Variants in AFAP1L1 observed in about 807,000 individuals in gnomAD.
AFAP1L1 encodes actin filament associated protein 1 like 1.
Under a neutral mutation model 99.8 loss-of-function variants are expected in AFAP1L1, and 77 were observed. That is an observed-to-expected ratio of 0.77 (90% CI 0.64 to 0.93). The LOEUF is 0.93. Ranked by LOEUF, AFAP1L1 falls within the 40% of genes least tolerant of loss-of-function variation. AFAP1L1 has a pLI of 0.00. For synonymous variants in AFAP1L1, 373 were observed against 395.3 expected (o/e 0.94, Z 0.67); for missense variants, 893 against 996.8 (o/e 0.90, Z 1.40).
At chr5:149,326,537 G>A (rs1418471485) in intron 15 of AFAP1L1, among the ~76,000 whole-genome samples, 8 of 76,548 alleles carry the variant, frequency 1.0e-4, no homozygotes, top group Non-Finnish European at 1.7e-4. Context: ...AGACCCTGTC[G>A]CCAAAAATAA....
chr5:149,311,543 C>T (rs1756631268), intron 8 of AFAP1L1, among the ~76,000 whole-genome samples: 1 of 152,222 alleles, frequency 6.6e-6, no homozygotes, highest in Admixed American at 6.5e-5. Flanking sequence ...CACAGAAAGC[C>T]ACCAATTAGG....
intron 1 of AFAP1L1, among the ~76,000 whole-genome samples, chr5:149,294,477 G>A (rs1194510840): frequency 2.6e-5 from 4 of 152,164 alleles, no homozygotes; most frequent in African/African-American, 7.2e-5. Context: ...GCTTCTTAGG[G>A]TGAGCTCTGT....
At chr5:149,286,369 C>G (rs1056952660) in intron 1 of AFAP1L1, among the ~76,000 whole-genome samples, 2 of 152,098 alleles carry the variant, frequency 1.3e-5, no homozygotes, top group Admixed American at 6.5e-5. Context: ...AGAGGAAATG[C>G]CGCAAACAAA....
At chr5:149,330,446 A>G (rs747179928) in intron 16 of AFAP1L1, among the ~76,000 whole-genome samples, 21 of 152,210 alleles carry the variant, frequency 1.4e-4, no homozygotes, top group Non-Finnish European at 2.8e-4. Flanking sequence ...ATGTAGCCCT[A>G]TGAGAATCTG....
At chr5:149,299,667 C>G (rs377238842) in intron 2 of AFAP1L1, 30 bp downstream of exon 2, 3 of 1,613,586 alleles carry the variant, frequency 1.9e-6, no homozygotes, top group South Asian at 2.2e-5. Flanking sequence ...CCTGGAGGAG[C>G]TCCACTTATG....
At chr5:149,327,842 A>C (rs62378136) in intron 15 of AFAP1L1, among the ~76,000 whole-genome samples, 9,004 of 152,150 alleles carry the variant, frequency 0.059, 358 homozygotes, top group Non-Finnish European at 0.085. Flanking sequence ...TACTAGAAGG[A>C]GAAGAGAGAG....
At chr5:149,276,046 G>A (rs189687133) in intron 1 of AFAP1L1, among the ~76,000 whole-genome samples, 98 of 152,310 alleles carry the variant, frequency 6.4e-4, no homozygotes, top group African/African-American at 2.3e-3. Flanking sequence ...TTCAAACCCA[G>A]CTGTCTCCAT....
At chr5:149,335,934 C>G (rs145751995) in intron 18 of AFAP1L1, among the ~76,000 whole-genome samples, 1 of 152,342 alleles carries the variant, frequency 6.6e-6, no homozygotes, top group East Asian at 1.9e-4. Flanking sequence ...TTCTAACAAG[C>G]TTAATCATCT....
At chr5:149,307,954 G>A (rs913365686) in intron 7 of AFAP1L1, among the ~76,000 whole-genome samples, 3 of 151,616 alleles carry the variant, frequency 2.0e-5, no homozygotes, top group East Asian at 1.9e-4. Flanking sequence ...TCAGGAGTTC[G>A]AGACCAGCCT....
intron 15 of AFAP1L1, among the ~76,000 whole-genome samples, chr5:149,328,113 A>G (rs1236982108): frequency 2.0e-5 from 3 of 152,190 alleles, no homozygotes; most frequent in East Asian, 1.9e-4. Flanking sequence ...ATCAGTAACA[A>G]TGAAAGCCAG....
intron 16 of AFAP1L1, among the ~76,000 whole-genome samples, chr5:149,330,755 T>C (rs1322857003): frequency 6.6e-6 from 1 of 152,190 alleles, no homozygotes; most frequent in Non-Finnish European, 1.5e-5. Context: ...TTTTTTCCCC[T>C]ATGGCACTAC....
At chr5:149,275,401 C>T (rs373956788) in intron 1 of AFAP1L1, among the ~76,000 whole-genome samples, 21 of 152,300 alleles carry the variant, frequency 1.4e-4, no homozygotes, top group East Asian at 1.9e-4. Flanking sequence ...CATGTCCCTT[C>T]GTGGCCTCTT....
At position 149,271,880 on chromosome 5, in the gene AFAP1L1, T is replaced by G. The variant is rs1380370849; in HGVS notation, c.-89T>G. The stretch of plus-strand genomic sequence containing the variant: ...CCGCAGAGAGCGCCGGCCGCTGGGC[T>G]GGCCTGAGAGCGCAGCGCGCCGGCC... On this transcript the variant is annotated 5_prime_UTR_variant, in exon 1 of 19. Coordinates refer to ENST00000296721, the MANE Select transcript of AFAP1L1 (RefSeq NM_152406.4). 9.7e-7 allele frequency: 1 copy of G among 1,033,252 alleles called. No individual in the cohort carries two copies. Among genetic ancestry groups the G allele is most frequent in the Non-Finnish European group, 1.2e-6 (1 of 821,418 alleles). 64.0% of individuals were successfully genotyped at this position (1,033,252 alleles called of 1,614,324 possible).
intron 15 of AFAP1L1, among the ~76,000 whole-genome samples, chr5:149,327,026 C>T (rs1278456944): frequency 6.6e-6 from 1 of 152,094 alleles, no homozygotes; most frequent in Admixed American, 6.5e-5. Context: ...CGAAAATGAC[C>T]AGTTTTCAAC....
chr5:149,286,436 T>C (rs1479989078), intron 1 of AFAP1L1, among the ~76,000 whole-genome samples: 1 of 152,150 alleles, frequency 6.6e-6, no homozygotes, highest in East Asian at 1.9e-4. Flanking sequence ...TAAAAAATAA[T>C]TTTTAAACTC....
chr5:149,286,195 C>G (rs1755673993), intron 1 of AFAP1L1, among the ~76,000 whole-genome samples: 1 of 152,122 alleles, frequency 6.6e-6, no homozygotes, highest in African/African-American at 2.4e-5. Flanking sequence ...TCAGGGACTT[C>G]TCTAAGCACT....
chr5:149,310,994 G>A (rs1482010092), intron 8 of AFAP1L1, among the ~76,000 whole-genome samples: 4 of 152,156 alleles, frequency 2.6e-5, no homozygotes, highest in Admixed American at 6.5e-5. Flanking sequence ...TTGGCACAGC[G>A]CCTGCCAGGC....
chr5:149,333,576 C>T (rs1474477798), intron 17 of AFAP1L1, among the ~76,000 whole-genome samples: 2 of 150,048 alleles, frequency 1.3e-5, no homozygotes, highest in African/African-American at 2.5e-5. Context: ...TCAGAGAGAA[C>T]TTCTCTGACC....
Position 149,307,473 on chromosome 5 carries a change from C to A in AFAP1L1, c.607C>A (p.Gln203Lys), listed in dbSNP as rs773634387. 5.0e-6 allele frequency: 8 copies of A among 1,614,188 alleles called. No homozygotes were observed. The East Asian group carries it at 1.8e-4, about 36-fold the overall frequency. ...AGAGGAGGAGGAAGGGAAGAGCCCG[C>A]AGCCCCGACACCAGTGGCCCTCAGA... ...DEEEEEGKSP[Q>K]PRHQWPSEEA... Residue 203 changes from glutamine to lysine, a missense_variant, in exon 7 of 19, where the codon CAG (glutamine) becomes AAG (lysine). Physicochemically the swap from Gln to Lys is moderately conservative, Grantham distance 53. Coordinates refer to ENST00000296721, the MANE Select transcript of AFAP1L1 (RefSeq NM_152406.4).
Sources: allele counts gnomAD v4.1 joint callset (sites outside exome capture counted in the v4.1 genomes callset), GRCh38; gene constraint gnomAD v4.1.1; transcripts MANE v1.5; gene names NCBI Gene and HGNC (gene_info 2026-07-23, HGNC 2026-07-21).